Variants in ZNF704 observed in about 807,000 individuals in gnomAD.
ZNF704 encodes the protein zinc finger protein 704, also known as glucocorticoid induced gene 1.
A neutral mutation model predicts 44.7 loss-of-function variants in ZNF704; 10 were observed. The ratio of observed to expected loss-of-function variants is 0.22; its 90% CI spans 0.14 to 0.38. The LOEUF (loss-of-function observed/expected upper bound fraction) is 0.38, where lower values mean the gene tolerates loss of function less well. Ranked by LOEUF, ZNF704 falls within the 10% of genes least tolerant of loss-of-function variation. ZNF704 has a pLI of 1.00. For missense variants in ZNF704, 390 were observed against 545.5 expected (o/e 0.71, Z 2.84); for synonymous variants, 211 against 207.6 (o/e 1.02, Z -0.14).
At chr8:80,873,998 C>A (rs1280174993) in intron 1 of ZNF704, among the ~76,000 whole-genome samples, 2 of 146,716 alleles carry the variant, frequency 1.4e-5, no homozygotes, top group African/African-American at 2.4e-5. Context: ...GGCGCCCCCC[C>A]GGCGGCTGCC....
At chr8:80,666,274 T>C (rs2131611599) in intron 5 of ZNF704, among the ~76,000 whole-genome samples, 1 of 150,826 alleles carries the variant, frequency 6.6e-6, no homozygotes, top group South Asian at 2.1e-4. Flanking sequence ...TTCATCCATG[T>C]CCCTACAAAG....
intron 1 of ZNF704, among the ~76,000 whole-genome samples, chr8:80,822,931 T>A (rs1360526811): frequency 6.6e-6 from 1 of 152,226 alleles, no homozygotes; most frequent in Non-Finnish European, 1.5e-5. Context: ...AAGATCTTTG[T>A]AGATTCTGGA....
At chr8:80,814,539 G>A (rs1452298055) in intron 2 of ZNF704, among the ~76,000 whole-genome samples, 2 of 152,152 alleles carry the variant, frequency 1.3e-5, no homozygotes, top group African/African-American at 4.8e-5. Flanking sequence ...ATGGATAAAA[G>A]TTTCTTGGAA....
intron 2 of ZNF704, among the ~76,000 whole-genome samples, chr8:80,710,652 C>T (rs1818971325): frequency 6.6e-6 from 1 of 152,164 alleles, no homozygotes; most frequent in Admixed American, 6.5e-5. Context: ...ACCAGAGCCT[C>T]CTCTCTCTAC....
At chr8:80,871,765 C>G (rs1387105146) in intron 1 of ZNF704, among the ~76,000 whole-genome samples, 2 of 152,064 alleles carry the variant, frequency 1.3e-5, no homozygotes, top group Non-Finnish European at 2.9e-5. Context: ...TAGTGATATT[C>G]CATTAGAAAA....
chr8:80,719,550 G>A (rs1413853387), intron 2 of ZNF704, among the ~76,000 whole-genome samples: 1 of 152,164 alleles, frequency 6.6e-6, no homozygotes, highest in East Asian at 1.9e-4. Flanking sequence ...GCTTTAAGGA[G>A]CCAGGACAAA....
At chr8:80,651,327 A>T (rs1456191740) in intron 7 of ZNF704, among the ~76,000 whole-genome samples, 1 of 152,234 alleles carries the variant, frequency 6.6e-6, no homozygotes, top group African/African-American at 2.4e-5. Flanking sequence ...TATTAACCTC[A>T]AATGTAAATG....
At chr8:80,648,646 C>T (rs1817868937) in intron 7 of ZNF704, among the ~76,000 whole-genome samples, 1 of 152,194 alleles carries the variant, frequency 6.6e-6, no homozygotes. Context: ...AAATGGCCTG[C>T]AGAACATCCC....
chr8:80,737,436 C>T (rs888136809), intron 2 of ZNF704, among the ~76,000 whole-genome samples: 12 of 152,204 alleles, frequency 7.9e-5, no homozygotes, highest in Admixed American at 2.6e-4. Context: ...CCCTGTGGGT[C>T]GCTTTGTGAA....
At chr8:80,877,407 A>G (rs551682595), upstream of ZNF704, among the ~76,000 whole-genome samples, 2 of 152,284 alleles carry the variant, frequency 1.3e-5, no homozygotes, top group South Asian at 4.1e-4. Flanking sequence ...AAATTAACTC[A>G]TCAGGAATCA....
chr8:80,641,274 T>G lies in ZNF704; in HGVS notation c.*92A>C. ...GGCTTTTCCTGGCTTCAACTGTGTT[T>G]TATTCAGTAGGAAAAGCTCTTTCCA... On this transcript the variant is annotated 3_prime_UTR_variant, in exon 9 of 9. Coordinates refer to ENST00000327835, the MANE Select transcript of ZNF704 (RefSeq NM_001033723.3). 3.8e-6 allele frequency: 3 copies of G among 789,320 alleles called. No individual in the cohort carries two copies. The highest frequency in any genetic ancestry group is 2.1e-5 in the South Asian group (1 of 47,690). The allele number at this position is 789,320 out of a possible 1,614,324, so 48.9% of individuals were successfully genotyped here.
intron 6 of ZNF704, among the ~76,000 whole-genome samples, chr8:80,660,915 G>GAAAC (rs909154734): frequency 6.6e-6 from 1 of 152,000 alleles, no homozygotes; most frequent in African/African-American, 2.4e-5. Flanking sequence ...AAAAGCACAA[G>GAAAC]AAACAAACAA....
chr8:80,824,395 C>T (rs991529377), intron 1 of ZNF704, among the ~76,000 whole-genome samples: 12 of 152,094 alleles, frequency 7.9e-5, no homozygotes, highest in African/African-American at 2.9e-4. Flanking sequence ...TAAAAAGAAA[C>T]AAACAAAGCC....
intron 2 of ZNF704, among the ~76,000 whole-genome samples, chr8:80,720,994 G>A (rs1819156813): frequency 6.6e-6 from 1 of 152,200 alleles, no homozygotes; most frequent in African/African-American, 2.4e-5. Context: ...ACAACCGCCA[G>A]GGTCCCATTC....
the ZNF704 span, among the ~76,000 whole-genome samples, chr8:80,879,882 C>A: frequency 6.6e-6 from 1 of 152,082 alleles, no homozygotes; most frequent in Non-Finnish European, 1.5e-5. Flanking sequence ...TCATGCAAGA[C>A]CCTTCTGGTG....
intron 1 of ZNF704, among the ~76,000 whole-genome samples, chr8:80,871,263 A>G (rs937815591): frequency 2.6e-5 from 4 of 152,128 alleles, no homozygotes; most frequent in African/African-American, 9.7e-5. Context: ...CTATCCTTTT[A>G]AAGGGCCCAC....
rs73264407 is a variant in ZNF704 at position 80,839,774 on chromosome 8, C to T, written c.-21-18159G>A. Among the ~76,000 whole-genome samples, 401 of 152,226 alleles carry T rather than the reference C, an allele frequency of 2.6e-3. 2 individuals are homozygous for T. Among genetic ancestry groups the T allele is most frequent in the African/African-American group, 9.0e-3 (375 of 41,534 alleles). ...AAAAGACATGCTTGAGGGGTTCCAGCCTGCTCCTGATCCTTCCTGCCTGTC... is the reference window on the plus strand; with the variant it reads ...AAAAGACATGCTTGAGGGGTTCCAGTCTGCTCCTGATCCTTCCTGCCTGTC... On this transcript the variant is annotated intron_variant, in intron 1 of 8. Transcript: ENST00000327835.
At chr8:80,647,918 G>A (rs1451958306) in intron 7 of ZNF704, among the ~76,000 whole-genome samples, 1 of 152,192 alleles carries the variant, frequency 6.6e-6, no homozygotes, top group Non-Finnish European at 1.5e-5. Context: ...CAGAGTACCT[G>A]AGACTGGATG....
At chr8:80,666,935 A>C (rs998177337) in intron 5 of ZNF704, among the ~76,000 whole-genome samples, 2 of 151,804 alleles carry the variant, frequency 1.3e-5, no homozygotes, top group African/African-American at 4.8e-5. Context: ...CTCTGATGGT[A>C]GTTTCTTTTG....
Sources: gnomAD v4.1 joint callset for allele counts (sites outside exome capture counted in the v4.1 genomes callset) on GRCh38, gnomAD v4.1.1 for gene constraint, MANE v1.5 for transcripts, NCBI Gene and HGNC (gene_info 2026-07-23, HGNC 2026-07-21) for gene names.